Variants in B3GALT1 observed in about 807,000 individuals in gnomAD.
The protein encoded by B3GALT1 is beta-1,3-galactosyltransferase 1.
A neutral mutation model predicts 23.2 loss-of-function variants in B3GALT1; 10 were observed. That is an observed-to-expected ratio of 0.43 (90% CI 0.27 to 0.73). The LOEUF (loss-of-function observed/expected upper bound fraction) is 0.73. B3GALT1 is among the 30% of genes least tolerant of loss of function. The pLI, the probability that B3GALT1 is intolerant of heterozygous loss-of-function variation, is 0.21. For synonymous variants in B3GALT1, 156 were observed against 141.5 expected, an observed-to-expected ratio of 1.10 and a Z score of -0.73; for missense variants, 299 against 405.4, an observed-to-expected ratio of 0.74 and a Z score of 2.25.
chr2:167,727,952 C>T, intron 3 of B3GALT1, among the ~76,000 whole-genome samples: 1 of 152,136 alleles, frequency 6.6e-6, no homozygotes, highest in East Asian at 1.9e-4. Context: ...TTCATGTTGT[C>T]TGAATCAGTC....
chr2:167,402,192 A>G (rs186331303), intron 1 of B3GALT1, among the ~76,000 whole-genome samples: 9 of 152,246 alleles, frequency 5.9e-5, no homozygotes, highest in Admixed American at 5.2e-4. Flanking sequence ...TAATTTCTAA[A>G]GAGAGTTCAT....
chr2:167,424,635 T>G (rs1199901148), intron 1 of B3GALT1, among the ~76,000 whole-genome samples: 2 of 152,076 alleles, frequency 1.3e-5, no homozygotes, highest in Non-Finnish European at 2.9e-5. Context: ...CAAAATAGTT[T>G]GCAAGCCATA....
intron 1 of B3GALT1, among the ~76,000 whole-genome samples, chr2:167,469,254 T>G (rs1356811360): frequency 1.3e-5 from 2 of 152,192 alleles, no homozygotes; most frequent in African/African-American, 4.8e-5. Flanking sequence ...TAAGTAGCTT[T>G]GGGAATCTTA....
chr2:167,610,924 AAAAG>A (rs1478845000), intron 2 of B3GALT1, among the ~76,000 whole-genome samples: 26 of 150,168 alleles, frequency 1.7e-4, no homozygotes, highest in African/African-American at 5.4e-4. Flanking sequence ...AAAAAAAAAA[AAAAG>A]AGAGAGAGAG....
intron 3 of B3GALT1, among the ~76,000 whole-genome samples, chr2:167,735,597 C>T (rs896457947): frequency 8.5e-5 from 13 of 152,218 alleles, no homozygotes; most frequent in Middle Eastern, 3.4e-3. Flanking sequence ...ATCTCTTCTG[C>T]ATATATTCCT....
intron 2 of B3GALT1, among the ~76,000 whole-genome samples, chr2:167,581,107 C>T (rs1403548389): frequency 3.9e-5 from 6 of 152,092 alleles, no homozygotes; most frequent in Admixed American, 3.9e-4. Flanking sequence ...TGATGGCATT[C>T]CAATTTGATT....
intron 2 of B3GALT1, among the ~76,000 whole-genome samples, chr2:167,568,958 A>G (rs537624822): frequency 2.3e-4 from 35 of 152,062 alleles, no homozygotes; most frequent in African/African-American, 8.2e-4. Flanking sequence ...CAGTTGTTCT[A>G]GCACCATTTG....
chr2:167,703,776 AC>A (rs1356620467), intron 3 of B3GALT1, among the ~76,000 whole-genome samples: 3 of 152,168 alleles, frequency 2.0e-5, no homozygotes, highest in African/African-American at 7.2e-5. Flanking sequence ...GCTAAGGGAA[AC>A]CTCAATTGAA....
chr2:167,808,912 C>G (rs916738583), intron 3 of B3GALT1, among the ~76,000 whole-genome samples: 30 of 152,352 alleles, frequency 2.0e-4, no homozygotes, highest in Non-Finnish European at 3.1e-4. Context: ...CCATCACTTT[C>G]AGGTACACCA....
At chr2:167,697,630 G>A (rs1182456447) in intron 3 of B3GALT1, among the ~76,000 whole-genome samples, 1 of 152,134 alleles carries the variant, frequency 6.6e-6, no homozygotes, top group African/African-American at 2.4e-5. Flanking sequence ...TGCCCTCTAG[G>A]AGCTAACAGA....
At chr2:167,652,634 T>C (rs1284656019) in intron 3 of B3GALT1, among the ~76,000 whole-genome samples, 1 of 152,144 alleles carries the variant, frequency 6.6e-6, no homozygotes, top group Non-Finnish European at 1.5e-5. Flanking sequence ...ATGATTTATC[T>C]CTGCTTAAAT....
chr2:167,372,948 CT>C lies in B3GALT1; in HGVS notation c.-511+79617del, dbSNP rs112277243. ...CAATCTCAATCATAACCCTAAAAGA[CT>C]TTGTGGAAATTTATGAGTCTAAAAT... On this transcript the variant is annotated intron_variant, in intron 1 of 4. Coordinates refer to ENST00000392690, the MANE Select transcript of B3GALT1 (RefSeq NM_020981.4). 4.8e-3 allele frequency among the ~76,000 whole-genome samples: 732 copies of C among 152,080 alleles called. 6 individuals carry two copies. Among genetic ancestry groups the C allele is most frequent in the African/African-American group, 0.017 (712 of 41,512 alleles).
intron 2 of B3GALT1, among the ~76,000 whole-genome samples, chr2:167,529,442 C>CT (rs1363721657): frequency 6.6e-6 from 1 of 151,788 alleles, no homozygotes; most frequent in African/African-American, 2.4e-5. Flanking sequence ...CTTTGGCACT[C>CT]TAAGAGGGCA....
At chr2:167,480,526 G>C (rs1050039753) in intron 1 of B3GALT1, among the ~76,000 whole-genome samples, 11 of 152,092 alleles carry the variant, frequency 7.2e-5, no homozygotes, top group African/African-American at 2.2e-4. Flanking sequence ...GACTCTTTAG[G>C]CTTGCTGATT....
At chr2:167,755,395 G>A (rs1051112719) in intron 3 of B3GALT1, among the ~76,000 whole-genome samples, 6 of 151,108 alleles carry the variant, frequency 4.0e-5, no homozygotes, top group African/African-American at 9.7e-5. Context: ...CTAGTGTTGC[G>A]TCCCAGGGCC....
intron 1 of B3GALT1, among the ~76,000 whole-genome samples, chr2:167,322,276 AAT>A (rs1171492106): frequency 6.6e-6 from 1 of 151,894 alleles, no homozygotes; most frequent in African/African-American, 2.4e-5. Flanking sequence ...CATTCCTAAA[AAT>A]ATATTTAATA....
In B3GALT1 at chr2:167,669,472, C is replaced by CAAGG. The variant is rs199505210; in HGVS notation, c.-352+22509_-352+22512dup. The stretch of plus-strand genomic sequence containing the variant: ...ATATGGAGAGGAATAATGGACAATT[C>CAAGG]AAGGAATTTCCCAGTGTGAAATATG... On this transcript the variant is annotated intron_variant, in intron 3 of 4. Transcript: ENST00000392690. Among the ~76,000 whole-genome samples the CAAGG allele has an allele frequency of 9.7e-3, 1,474 of 152,090 alleles. 32 individuals are homozygous for CAAGG. The highest frequency in any genetic ancestry group is 0.034 in the African/African-American group (1,395 of 41,480).
chr2:167,720,854 G>C (rs1687220376), intron 3 of B3GALT1, among the ~76,000 whole-genome samples: 1 of 152,162 alleles, frequency 6.6e-6, no homozygotes, highest in Admixed American at 6.5e-5. Context: ...GCATGTTTCT[G>C]CCTTTTGAAC....
In B3GALT1 at chr2:167,650,342, T is replaced by C. The variant is rs536932799; in HGVS notation, c.-352+3376T>C. 6.0e-5 allele frequency among the ~76,000 whole-genome samples: 9 copies of C among 149,876 alleles called. No individual in the cohort carries two copies. The South Asian group carries it at 1.9e-3, about 31-fold the overall frequency. ...TGTGTGTGTATATATATATTTATTA[T>C]ATATATAGTGAGAATATATATCAGA... On this transcript the variant is annotated intron_variant, in intron 3 of 4. Transcript: ENST00000392690.
Sources: gnomAD v4.1 joint callset for allele counts (sites outside exome capture counted in the v4.1 genomes callset) on GRCh38, gnomAD v4.1.1 for gene constraint, MANE v1.5 for transcripts, NCBI Gene and HGNC (gene_info 2026-07-23, HGNC 2026-07-21) for gene names.